The following AGMO variants were observed in gnomAD, a reference collection of about 807,000 sequenced individuals.
AGMO encodes the protein alkylglycerol monooxygenase.
Under a neutral mutation model 60.2 loss-of-function variants are expected in AGMO, and 75 were observed. The ratio of observed to expected loss-of-function variants is 1.25; its 90% CI spans 1.03 to 1.51. AGMO has a LOEUF of 1.51. AGMO is among the 40% of genes most tolerant of loss of function. The pLI, the probability that AGMO is intolerant of heterozygous loss-of-function variation, is 0.00. For missense variants in AGMO, 763 were observed against 525.5 expected (o/e 1.45, Z -4.42); for synonymous variants, 261 against 177.1 (o/e 1.47, Z -3.76).
the AGMO span, among the ~76,000 whole-genome samples, chr7:15,158,961 T>C: frequency 6.6e-6 from 1 of 152,146 alleles, no homozygotes; most frequent in African/African-American, 2.4e-5. Flanking sequence ...GTTGCTATTT[T>C]TGGGGTTGGG....
intron 12 of AGMO, among the ~76,000 whole-genome samples, chr7:15,287,302 A>G (rs926341771): frequency 1.3e-5 from 2 of 152,224 alleles, no homozygotes; most frequent in African/African-American, 2.4e-5. Context: ...GGACAAGATT[A>G]GCAATGTTAT....
intron 10 of AGMO, among the ~76,000 whole-genome samples, chr7:15,378,465 C>G (rs1783539683): frequency 6.6e-6 from 1 of 151,846 alleles, no homozygotes; most frequent in South Asian, 2.1e-4. Flanking sequence ...TTCTCCGTCC[C>G]TTTATGGGAT....
intron 12 of AGMO, among the ~76,000 whole-genome samples, chr7:15,254,512 C>T (rs572748614): frequency 8.6e-5 from 13 of 151,970 alleles, no homozygotes; most frequent in East Asian, 7.7e-4. Flanking sequence ...TTTTCATACA[C>T]CTATTGGTCA....
intron 12 of AGMO, among the ~76,000 whole-genome samples, chr7:15,259,672 C>A (rs180860779): frequency 1.7e-3 from 259 of 151,888 alleles, no homozygotes; most frequent in African/African-American, 5.8e-3. Flanking sequence ...CATCAGGTCA[C>A]CTATAAAGGA....
At chr7:15,202,834 T>C (rs1781334526) in intron 12 of AGMO, among the ~76,000 whole-genome samples, 1 of 152,128 alleles carries the variant, frequency 6.6e-6, no homozygotes, top group Admixed American at 6.6e-5. Flanking sequence ...GGTAAAATAA[T>C]ACTGCGCTGG....
At chr7:15,509,379 A>T (rs980049166) in intron 3 of AGMO, among the ~76,000 whole-genome samples, 11 of 151,548 alleles carry the variant, frequency 7.3e-5, no homozygotes, top group African/African-American at 2.2e-4. Context: ...TGCAAAAAAA[A>T]AAATAAAAAT....
At chr7:15,351,696 C>T (rs923915266) in intron 12 of AGMO, among the ~76,000 whole-genome samples, 9 of 152,158 alleles carry the variant, frequency 5.9e-5, no homozygotes, top group Admixed American at 4.6e-4. Context: ...ATAGCAGCTA[C>T]TACATTTTAA....
the AGMO span, among the ~76,000 whole-genome samples, chr7:15,133,591 T>A: frequency 3.9e-5 from 6 of 152,026 alleles, no homozygotes; most frequent in Non-Finnish European, 5.9e-5. Flanking sequence ...AATTCAAAGA[T>A]ATATGAGTCA....
chr7:15,523,699 G>C (rs1217146022), intron 3 of AGMO, among the ~76,000 whole-genome samples: 1 of 152,198 alleles, frequency 6.6e-6, no homozygotes, highest in Middle Eastern at 3.4e-3. Context: ...GAGTCAAGGG[G>C]AGGAAGGGAT....
intron 12 of AGMO, among the ~76,000 whole-genome samples, chr7:15,281,470 A>G (rs955857041): frequency 1.3e-5 from 2 of 152,042 alleles, no homozygotes; most frequent in Non-Finnish European, 1.5e-5. Context: ...GAAAATCAAC[A>G]TTCCTGTAGA....
At chr7:15,132,751 G>T in the AGMO span, among the ~76,000 whole-genome samples, 2 of 152,174 alleles carry the variant, frequency 1.3e-5, no homozygotes, top group Admixed American at 6.6e-5. Context: ...CAGATTTTAA[G>T]GAGGGAAAAT....
At chr7:15,160,941 G>C in the AGMO span, among the ~76,000 whole-genome samples, 1 of 152,096 alleles carries the variant, frequency 6.6e-6, no homozygotes, top group African/African-American at 2.4e-5. Flanking sequence ...AACTGACAAG[G>C]GGCTTCATGC....
chr7:15,431,185 C>G, intron 3 of AGMO, 77 bp from the exon 4 acceptor site: 1 of 984,318 alleles, frequency 1.0e-6, no homozygotes, highest in Non-Finnish European at 1.6e-6. Flanking sequence ...GCATGCTGCT[C>G]TGTTGAGTGA....
At chr7:15,491,311 G>T (rs762910331) in intron 3 of AGMO, among the ~76,000 whole-genome samples, 2 of 152,248 alleles carry the variant, frequency 1.3e-5, no homozygotes, top group Non-Finnish European at 1.5e-5. Flanking sequence ...ATTATACTGG[G>T]TGTTGTGACT....
intron 3 of AGMO, among the ~76,000 whole-genome samples, chr7:15,497,396 A>C (rs1479873640): frequency 6.6e-6 from 1 of 152,100 alleles, no homozygotes; most frequent in Non-Finnish European, 1.5e-5. Context: ...ATTTCACAGG[A>C]ATTTTTTTAA....
At chr7:15,138,655 G>A in the AGMO span, among the ~76,000 whole-genome samples, 7 of 152,224 alleles carry the variant, frequency 4.6e-5, no homozygotes, top group Admixed American at 2.6e-4. Flanking sequence ...AGAATAAACC[G>A]TTTTCTAAAC....
intron 4 of AGMO, among the ~76,000 whole-genome samples, chr7:15,420,698 C>A (rs886929272): frequency 1.3e-5 from 2 of 152,160 alleles, no homozygotes; most frequent in African/African-American, 4.8e-5. Flanking sequence ...TTAAAGGCCA[C>A]TTCCATTATA....
At chr7:15,555,292 T>TATACACAC (rs1213509604) in intron 2 of AGMO, among the ~76,000 whole-genome samples, 4 of 95,852 alleles carry the variant, frequency 4.2e-5, no homozygotes, top group Non-Finnish European at 6.0e-5. Context: ...TATATATATA[T>TATACACAC]ACACACACAC....
the AGMO span, among the ~76,000 whole-genome samples, chr7:15,166,774 G>A: frequency 6.6e-6 from 1 of 152,154 alleles, no homozygotes; most frequent in Non-Finnish European, 1.5e-5. Flanking sequence ...AATTCAGTGT[G>A]GGGAGTACAT....
Sources: allele counts gnomAD v4.1 joint callset (sites outside exome capture counted in the v4.1 genomes callset), GRCh38; gene constraint gnomAD v4.1.1; transcripts MANE v1.5; gene names NCBI Gene and HGNC (gene_info 2026-07-23, HGNC 2026-07-21).